EHBP1: variants seen among roughly 807,000 people sequenced by gnomAD.
The protein encoded by EHBP1 is EH domain binding protein 1.
A neutral mutation model predicts 144.0 loss-of-function variants in EHBP1; 55 were observed. That is an observed-to-expected ratio of 0.38 (90% CI 0.31 to 0.48). EHBP1 has a LOEUF of 0.48. EHBP1 is among the 20% of genes least tolerant of loss of function. EHBP1 has a pLI of 0.98. For missense variants in EHBP1, 1,200 were observed against 1,364.2 expected (o/e 0.88, Z 1.90); for synonymous variants, 469 against 472.7 (o/e 0.99, Z 0.10).
At chr2:62,918,037 CA>C (rs2054781185) in intron 10 of EHBP1, among the ~76,000 whole-genome samples, 1 of 152,106 alleles carries the variant, frequency 6.6e-6, no homozygotes, top group Non-Finnish European at 1.5e-5. Flanking sequence ...GCTGGAATTA[CA>C]GGCATTTGCC....
At chr2:62,959,245 A>T (rs2057877623) in intron 14 of EHBP1, among the ~76,000 whole-genome samples, 1 of 152,192 alleles carries the variant, frequency 6.6e-6, no homozygotes, top group South Asian at 2.1e-4. Flanking sequence ...TCCACTGTAT[A>T]TGTACCACAT....
intron 7 of EHBP1, among the ~76,000 whole-genome samples, chr2:62,832,267 A>G (rs982842859): frequency 1.3e-5 from 2 of 151,982 alleles, no homozygotes; most frequent in African/African-American, 4.8e-5. Flanking sequence ...AATATTATTG[A>G]GGTTTTTTAT....
intron 5 of EHBP1, among the ~76,000 whole-genome samples, chr2:62,821,088 G>T (rs546933922): frequency 6.6e-6 from 1 of 151,906 alleles, no homozygotes; most frequent in South Asian, 2.1e-4. Flanking sequence ...TAAAGTATTT[G>T]TATATGACAG....
At chr2:63,010,719 A>G (rs1397809743) in intron 19 of EHBP1, among the ~76,000 whole-genome samples, 1 of 151,806 alleles carries the variant, frequency 6.6e-6, no homozygotes, top group Non-Finnish European at 1.5e-5. Context: ...GTTTTTAAAA[A>G]TAGATGTCCA....
intron 19 of EHBP1, among the ~76,000 whole-genome samples, chr2:63,036,947 T>C (rs1028395581): frequency 6.6e-6 from 1 of 151,898 alleles, no homozygotes; most frequent in Admixed American, 6.6e-5. Context: ...ATTTTTTTTT[T>C]CATAGATAGC....
intron 2 of EHBP1, among the ~76,000 whole-genome samples, chr2:62,736,890 T>C (rs1306205440): frequency 6.6e-6 from 1 of 152,242 alleles, no homozygotes; most frequent in East Asian, 1.9e-4. Flanking sequence ...CCTTTTATTA[T>C]GCCTTGTAAT....
intron 13 of EHBP1, among the ~76,000 whole-genome samples, chr2:62,952,974 T>C (rs1412863281): frequency 6.6e-6 from 1 of 152,094 alleles, no homozygotes; most frequent in Non-Finnish European, 1.5e-5. Flanking sequence ...ATCCCAGCAC[T>C]TTGGGAGGCC....
chr2:62,684,152 AG>A (rs2033636832), intron 1 of EHBP1, among the ~76,000 whole-genome samples: 1 of 152,242 alleles, frequency 6.6e-6, no homozygotes, highest in South Asian at 2.1e-4. Flanking sequence ...TGCAAGTGCC[AG>A]TGACCTTGGT....
chr2:62,890,349 T>C (rs2052356882), intron 10 of EHBP1, among the ~76,000 whole-genome samples: 2 of 152,240 alleles, frequency 1.3e-5, no homozygotes, highest in Non-Finnish European at 2.9e-5. Flanking sequence ...ATTTTAACAA[T>C]ATTGATTCTT....
chr2:62,945,803 C>G (rs1207736458), intron 12 of EHBP1, among the ~76,000 whole-genome samples: 1 of 152,100 alleles, frequency 6.6e-6, no homozygotes, highest in Non-Finnish European at 1.5e-5. Flanking sequence ...ATGCATAATG[C>G]TGGCCGTAGA....
At chr2:62,685,179 T>A (rs2033678132) in intron 1 of EHBP1, among the ~76,000 whole-genome samples, 1 of 152,228 alleles carries the variant, frequency 6.6e-6, no homozygotes, top group African/African-American at 2.4e-5. Context: ...TCAAATGTTC[T>A]GTCATCACAA....
intron 10 of EHBP1, among the ~76,000 whole-genome samples, chr2:62,900,479 G>A (rs1000528824): frequency 6.6e-6 from 1 of 151,858 alleles, no homozygotes; most frequent in African/African-American, 2.4e-5. Context: ...TAATTAGGTG[G>A]GTGTGGTGGT....
chr2:62,741,268 G>A (rs2038683865), intron 2 of EHBP1, among the ~76,000 whole-genome samples: 1 of 152,148 alleles, frequency 6.6e-6, no homozygotes, highest in African/African-American at 2.4e-5. Flanking sequence ...TGCCAGCATG[G>A]TGGTGGTGGT....
intron 19 of EHBP1, among the ~76,000 whole-genome samples, chr2:63,037,316 C>G (rs150564498): frequency 6.6e-6 from 1 of 151,840 alleles, no homozygotes; most frequent in South Asian, 2.1e-4. Context: ...TATGATCTAT[C>G]GGTATGTTCA....
chr2:62,705,283 C>T (rs899295779), upstream of EHBP1, among the ~76,000 whole-genome samples: 2 of 152,164 alleles, frequency 1.3e-5, no homozygotes, highest in African/African-American at 4.8e-5. Context: ...GCTGCACTGC[C>T]CACAGCTGCA....
chr2:62,847,501 T>A (rs1291932612), intron 7 of EHBP1, among the ~76,000 whole-genome samples: 2 of 152,148 alleles, frequency 1.3e-5, no homozygotes, highest in Non-Finnish European at 2.9e-5. Flanking sequence ...TTTGATAGAT[T>A]AAACTTAGTC....
At chr2:62,975,980 C>G (rs1301585233) in intron 14 of EHBP1, among the ~76,000 whole-genome samples, 4 of 151,782 alleles carry the variant, frequency 2.6e-5, no homozygotes. Flanking sequence ...TATTTTGTTA[C>G]TCCAAAATTC....
chr2:62,858,548 G>C, intron 7 of EHBP1: 2 of 1,402,466 alleles, frequency 1.4e-6, no homozygotes, highest in South Asian at 2.3e-5. Context: ...GCTTCTGATT[G>C]CCTGTATTTA....
intron 10 of EHBP1, 126 bp downstream of exon 10, chr2:62,874,658 T>C (rs1201207148): frequency 1.3e-6 from 1 of 751,564 alleles, no homozygotes; most frequent in Non-Finnish European, 2.1e-6. Flanking sequence ...TCCAAGACAA[T>C]CTATTGTACT....
Sources: gnomAD v4.1 joint callset for allele counts (sites outside exome capture counted in the v4.1 genomes callset) on GRCh38, gnomAD v4.1.1 for gene constraint, MANE v1.5 for transcripts, NCBI Gene and HGNC (gene_info 2026-07-23, HGNC 2026-07-21) for gene names.